CCDC169: variants seen among roughly 807,000 people sequenced by gnomAD.
The protein encoded by CCDC169 is coiled-coil domain containing 169, also known as coiled-coil domain-containing protein 169.
Under a neutral mutation model 36.0 loss-of-function variants are expected in CCDC169, and 30 were observed. That is an observed-to-expected ratio of 0.83 (90% confidence interval 0.62 to 1.13). The LOEUF (loss-of-function observed/expected upper bound fraction) is 1.13, where lower values mean the gene tolerates loss of function less well. Among genes scored for constraint, CCDC169 ranks in the 50% most tolerant of loss-of-function variants. The pLI is 0.00. For synonymous variants in CCDC169, 85 were observed against 81.5 expected, an observed-to-expected ratio of 1.04 and a Z score of -0.23; for missense variants, 245 against 245.9, an observed-to-expected ratio of 1.00 and a Z score of 0.03.
chr13:36,249,714 G>C (rs1284250946), intron 6 of CCDC169, among the ~76,000 whole-genome samples: 1 of 149,238 alleles, frequency 6.7e-6, no homozygotes, highest in Non-Finnish European at 1.5e-5. Flanking sequence ...CAGTAAAAGA[G>C]AGATTAAAAA....
At chr13:36,272,116 T>TAAATA (rs1555253201) in intron 4 of CCDC169, among the ~76,000 whole-genome samples, 15 of 142,582 alleles carry the variant, frequency 1.1e-4, no homozygotes, top group Non-Finnish European at 1.2e-4. Context: ...AATAAATAAA[T>TAAATA]AAATAAAATA....
At chr13:36,227,183 T>C, downstream of CCDC169, 2 of 1,460,118 alleles carry the variant, frequency 1.4e-6, no homozygotes, top group Non-Finnish European at 1.9e-6. Flanking sequence ...GTGGTGCACA[T>C]GTCTGAGTAT....
intron 7 of CCDC169, among the ~76,000 whole-genome samples, chr13:36,241,595 T>A (rs1021449454): frequency 6.6e-6 from 1 of 152,338 alleles, no homozygotes. Context: ...GTTATTTTCA[T>A]ATATGTATAT....
chr13:36,247,763 T>C (rs1321257408), intron 7 of CCDC169, among the ~76,000 whole-genome samples: 2 of 152,206 alleles, frequency 1.3e-5, no homozygotes, highest in African/African-American at 2.4e-5. Flanking sequence ...TGTGATGTCA[T>C]TTTTGAAATG....
intron 7 of CCDC169, among the ~76,000 whole-genome samples, chr13:36,234,599 A>C (rs962244454): frequency 1.3e-5 from 2 of 152,186 alleles, no homozygotes; most frequent in East Asian, 3.9e-4. Flanking sequence ...CTCACTCTGT[A>C]AAAGGGATCT....
At chr13:36,290,075 T>C (rs1878684415) in intron 2 of CCDC169, among the ~76,000 whole-genome samples, 2 of 152,144 alleles carry the variant, frequency 1.3e-5, no homozygotes, top group Admixed American at 1.3e-4. Context: ...GCTATGAAGT[T>C]ACAGGGCTTT....
chr13:36,228,558 AT>A (rs1306886838), downstream of CCDC169, among the ~76,000 whole-genome samples: 4 of 151,576 alleles, frequency 2.6e-5, no homozygotes, highest in Non-Finnish European at 1.5e-5. Flanking sequence ...AAATAATTGG[AT>A]TTTTTTTTCT....
At position 36,253,824 on chromosome 13, in the gene CCDC169, T is replaced by C. The variant is rs890203390; in HGVS notation, c.447A>G (p.Thr149=). Reference sequence around the variant, plus strand: ...TTACCTGAGACATTTCAGCTAGGTATGTACGGCGTTCATTGTTGATCTTCT... The same window carrying C: ...TTACCTGAGACATTTCAGCTAGGTACGTACGGCGTTCATTGTTGATCTTCT... The part of the protein sequence containing the change: ...AYQKINNERR[T]YLAEMSQGSG... Residue 149 remains threonine, a synonymous_variant, in exon 6 of 8, where the codon ACA becomes ACG. Coordinates refer to ENST00000239859, the MANE Select transcript of CCDC169 (RefSeq NM_001144981.3). 1.1e-5 allele frequency: 17 copies of C among 1,551,030 alleles called. No individual in the cohort carries two copies. The highest frequency in any genetic ancestry group is 1.5e-5 in the Non-Finnish European group (17 of 1,146,884).
At chr13:36,292,788 T>C (rs1267575426) in intron 2 of CCDC169, among the ~76,000 whole-genome samples, 2 of 152,186 alleles carry the variant, frequency 1.3e-5, no homozygotes, top group African/African-American at 2.4e-5. Context: ...TGGTCTGCTG[T>C]TGGGAATGAT....
chr13:36,247,946 T>C (rs1029133943), intron 7 of CCDC169, among the ~76,000 whole-genome samples: 5 of 152,168 alleles, frequency 3.3e-5, no homozygotes, highest in African/African-American at 9.7e-5. Context: ...GCAAACTTCG[T>C]TGTTGCCCTA....
rs548531279 is a variant in CCDC169 at position 36,297,702 on chromosome 13, G to C, written c.18C>G (p.Asn6Lys). 8.4e-6 allele frequency: 13 copies of C among 1,551,274 alleles called. No homozygotes were observed. In the South Asian group the frequency reaches 1.5e-4, roughly 18 times the overall value. Residue 6 changes from asparagine (N) to lysine (K), a missense_variant, in exon 1 of 8, where the codon AAC (asparagine) becomes AAG (lysine). Asn to Lys is a moderately conservative substitution (Grantham distance 94). Transcript: ENST00000239859. MKEER[N>K]YNFDGVSTNR... is the part of the protein sequence containing the mutation. The stretch of plus-strand genomic sequence containing the variant: ...TGGTGCTCACACCGTCGAAGTTGTA[G>C]TTTCTCTCTTCCTTCATAGTGTCAG...
At chr13:36,246,903 A>C (rs940725548) in intron 7 of CCDC169, among the ~76,000 whole-genome samples, 3 of 152,202 alleles carry the variant, frequency 2.0e-5, no homozygotes, top group African/African-American at 7.2e-5. Flanking sequence ...TATATGGAGG[A>C]AACTGTGAAA....
At chr13:36,264,500 A>AAG (rs1875020602) in intron 4 of CCDC169, among the ~76,000 whole-genome samples, 1 of 152,182 alleles carries the variant, frequency 6.6e-6, no homozygotes, top group Non-Finnish European at 1.5e-5. Context: ...TCAGGAGTCT[A>AAG]AGAACTGGGA....
chr13:36,235,055 A>G (rs1253392851), intron 7 of CCDC169, among the ~76,000 whole-genome samples: 11 of 152,138 alleles, frequency 7.2e-5, no homozygotes, highest in Admixed American at 7.2e-4. Context: ...TGTAATTTGT[A>G]TGACAATAAC....
chr13:36,285,614 G>GATAGCTAGATAGATAGATAC (rs1878126424), intron 2 of CCDC169, among the ~76,000 whole-genome samples: 2 of 138,074 alleles, frequency 1.4e-5, no homozygotes, highest in African/African-American at 5.4e-5. Flanking sequence ...TAGATAGATA[G>GATAGCTAGATAGATAGATAC]ATAGATACAT....
At chr13:36,265,718 T>C (rs1218456659) in intron 4 of CCDC169, among the ~76,000 whole-genome samples, 4 of 152,240 alleles carry the variant, frequency 2.6e-5, no homozygotes, top group African/African-American at 9.6e-5. Flanking sequence ...ATTTGGTCTT[T>C]TCCCTACCAT....
At chr13:36,254,258 T>A in intron 4 of CCDC169, 115 bp from the exon 5 acceptor site, 2 of 619,844 alleles carry the variant, frequency 3.2e-6, no homozygotes, top group Non-Finnish European at 5.1e-6. Flanking sequence ...TGTGATTTCA[T>A]AATTCTATGA....
chr13:36,227,932 T>C (rs1870032045), downstream of CCDC169, among the ~76,000 whole-genome samples: 1 of 152,248 alleles, frequency 6.6e-6, no homozygotes, highest in South Asian at 2.1e-4. Context: ...TATGGTCTTT[T>C]GTTATTCCAT....
At chr13:36,234,476 CT>C (rs1456701643) in intron 7 of CCDC169, among the ~76,000 whole-genome samples, 2 of 152,058 alleles carry the variant, frequency 1.3e-5, no homozygotes, top group African/African-American at 4.8e-5. Flanking sequence ...AAATATTGAT[CT>C]ACAAATTTAA....
Sources: allele counts gnomAD v4.1 joint callset (sites outside exome capture counted in the v4.1 genomes callset), GRCh38; gene constraint gnomAD v4.1.1; transcripts MANE v1.5; gene names NCBI Gene and HGNC (gene_info 2026-07-23, HGNC 2026-07-21).